Variants in PTPRM observed in about 807,000 individuals in gnomAD.
The protein encoded by PTPRM is protein tyrosine phosphatase receptor type M, also known as receptor-type tyrosine-protein phosphatase mu.
Under a neutral mutation model 186.7 loss-of-function variants are expected in PTPRM, and 47 were observed. The ratio of observed to expected loss-of-function variants is 0.25; its 90% CI spans 0.20 to 0.32. The LOEUF (loss-of-function observed/expected upper bound fraction) is 0.32. Among genes scored for constraint, PTPRM ranks in the 10% least tolerant of loss-of-function variants. The pLI is 1.00. For synonymous variants in PTPRM, 668 were observed against 674.9 expected (o/e 0.99, Z 0.16); for missense variants, 1,494 against 1,865.0 (o/e 0.80, Z 3.66).
chr18:7,818,890 G>A (rs541364756), intron 2 of PTPRM, among the ~76,000 whole-genome samples: 3 of 152,304 alleles, frequency 2.0e-5, no homozygotes, highest in Middle Eastern at 3.4e-3. Flanking sequence ...CATACAATGT[G>A]TCGTGAGAGT....
chr18:8,319,450 T>A (rs747349488), intron 22 of PTPRM, among the ~76,000 whole-genome samples: 28 of 152,238 alleles, frequency 1.8e-4, no homozygotes, highest in Non-Finnish European at 2.9e-4. Flanking sequence ...GAATTCAATA[T>A]GTCTACCTTA....
intron 7 of PTPRM, among the ~76,000 whole-genome samples, chr18:8,040,225 A>G (rs993443322): frequency 1.3e-5 from 2 of 152,128 alleles, no homozygotes; most frequent in African/African-American, 4.8e-5. Flanking sequence ...CCACATATCT[A>G]TGCTTGTTAT....
intron 2 of PTPRM, among the ~76,000 whole-genome samples, chr18:7,884,353 C>T (rs2048659868): frequency 6.6e-6 from 1 of 152,126 alleles, no homozygotes; most frequent in African/African-American, 2.4e-5. Flanking sequence ...AAGGGAATCT[C>T]ACAGAGGAGT....
intron 7 of PTPRM, among the ~76,000 whole-genome samples, chr18:8,003,504 A>G (rs1157714482): frequency 6.6e-6 from 1 of 152,256 alleles, no homozygotes; most frequent in Non-Finnish European, 1.5e-5. Flanking sequence ...AGAAAGAGAG[A>G]GGAAGGTGCC....
chr18:8,133,722 G>A (rs1366058746), intron 13 of PTPRM, among the ~76,000 whole-genome samples: 2 of 152,160 alleles, frequency 1.3e-5, no homozygotes, highest in African/African-American at 4.8e-5. Context: ...TTTCAGAAAG[G>A]AGGGTGGCAT....
intron 2 of PTPRM, among the ~76,000 whole-genome samples, chr18:7,849,003 G>A (rs1052999891): frequency 1.3e-5 from 2 of 151,910 alleles, no homozygotes; most frequent in African/African-American, 4.8e-5. Context: ...TCTGATTTAG[G>A]AATTTGAAAG....
Position 8,247,876 on chromosome 18 carries a change from A to C in PTPRM, c.2484A>C (p.Lys828Asn). The change falls in exon 16 of 33, where the codon AAA becomes AAC. Residue 828 changes from lysine (K) to asparagine (N), a missense_variant. Lys to Asn is a moderately conservative substitution (Grantham distance 94). Transcript: ENST00000580170. ...SVSSPSSFTM[K>N]TNTLSTSVPN... ...CTTCACCATCGTCCTTCACAATGAA[A>C]ACAAATACACTGAGCACATCGGTGC... 3 of 1,607,262 alleles carry C rather than the reference A, an allele frequency of 1.9e-6. No homozygotes were observed. The highest frequency in any genetic ancestry group is 2.6e-6 in the Non-Finnish European group (3 of 1,173,784).
intron 3 of PTPRM, among the ~76,000 whole-genome samples, chr18:7,893,484 C>A (rs1265089297): frequency 6.6e-6 from 1 of 152,120 alleles, no homozygotes; most frequent in Non-Finnish European, 1.5e-5. Flanking sequence ...TCCTAAAAAC[C>A]TGTTTGAGGA....
intron 9 of PTPRM, among the ~76,000 whole-genome samples, chr18:8,080,795 T>A (rs570191810): frequency 6.6e-6 from 1 of 152,278 alleles, no homozygotes; most frequent in Admixed American, 6.5e-5. Context: ...ATTTTTCTTC[T>A]GGAACTCAAT....
At chr18:7,618,761 A>C (rs1941145) in intron 1 of PTPRM, among the ~76,000 whole-genome samples, 1 of 151,914 alleles carries the variant, frequency 6.6e-6, no homozygotes, top group Non-Finnish European at 1.5e-5. Flanking sequence ...GCTAACCAGC[A>C]CCATAACGCT....
chr18:7,985,733 G>A (rs1043510447), intron 7 of PTPRM, among the ~76,000 whole-genome samples: 3 of 151,512 alleles, frequency 2.0e-5, no homozygotes, highest in African/African-American at 4.9e-5. Context: ...ACCACATCTC[G>A]GAGAATGGAG....
chr18:7,641,849 A>T (rs1408226974), intron 1 of PTPRM, among the ~76,000 whole-genome samples: 1 of 152,224 alleles, frequency 6.6e-6, no homozygotes, highest in African/African-American at 2.4e-5. Flanking sequence ...TGAAGTGAGT[A>T]CTATTGCAAA....
intron 1 of PTPRM, among the ~76,000 whole-genome samples, chr18:7,756,746 T>C (rs1166558211): frequency 6.6e-6 from 1 of 152,138 alleles, no homozygotes; most frequent in East Asian, 1.9e-4. Flanking sequence ...AAACCAGTGG[T>C]CAAATTCCAC....
intron 1 of PTPRM, among the ~76,000 whole-genome samples, chr18:7,647,832 T>C (rs2038601135): frequency 6.6e-6 from 1 of 152,188 alleles, no homozygotes; most frequent in African/African-American, 2.4e-5. Flanking sequence ...AGCTCCAAAG[T>C]TGGGGTCGGG....
At chr18:7,977,767 G>A (rs974328884) in intron 7 of PTPRM, among the ~76,000 whole-genome samples, 7 of 91,984 alleles carry the variant, frequency 7.6e-5, no homozygotes, top group Non-Finnish European at 1.6e-4. Flanking sequence ...ATGTTGCTTT[G>A]TGCATGCTTT....
At chr18:7,814,853 A>G (rs955957964) in intron 2 of PTPRM, 2 of 152,172 alleles carry the variant, frequency 1.3e-5, no homozygotes, top group Non-Finnish European at 2.9e-5. Flanking sequence ...AACTGACGGA[A>G]TTGTCCCAGA....
At chr18:8,220,856 T>G (rs570781890) in intron 14 of PTPRM, among the ~76,000 whole-genome samples, 1 of 152,218 alleles carries the variant, frequency 6.6e-6, no homozygotes, top group Non-Finnish European at 1.5e-5. Flanking sequence ...AGCATTTATG[T>G]GCTGATGGAT....
At chr18:8,056,953 C>T (rs1022079938) in intron 7 of PTPRM, among the ~76,000 whole-genome samples, 1 of 151,894 alleles carries the variant, frequency 6.6e-6, no homozygotes, top group African/African-American at 2.4e-5. Flanking sequence ...GTAAACTCAG[C>T]TATCTTTTCT....
intron 19 of PTPRM, among the ~76,000 whole-genome samples, chr18:8,271,353 GC>G (rs1032661875): frequency 1.5e-4 from 23 of 151,552 alleles, no homozygotes; most frequent in African/African-American, 5.6e-4. Flanking sequence ...ATACCAAAAA[GC>G]CAACCCTTCA....
Sources: allele counts gnomAD v4.1 joint callset (sites outside exome capture counted in the v4.1 genomes callset), GRCh38; gene constraint gnomAD v4.1.1; transcripts MANE v1.5; gene names NCBI Gene and HGNC (gene_info 2026-07-23, HGNC 2026-07-21).